The following PROS1 variants were observed in gnomAD, a reference collection of about 807,000 sequenced individuals.
PROS1 encodes protein S, also known as vitamin K-dependent protein S.
In PROS1, 29 loss-of-function variants were observed where a neutral mutation model predicts 75.9. The ratio of observed to expected loss-of-function variants is 0.38; its 90% CI spans 0.28 to 0.52. The LOEUF (loss-of-function observed/expected upper bound fraction) is 0.52. PROS1 is among the 20% of genes least tolerant of loss of function. The probability of loss-of-function intolerance (pLI) is 0.83; values close to 1 mark genes in which losing one functional copy is unlikely to be tolerated. For missense variants in PROS1, 680 were observed against 810.3 expected (o/e 0.84, Z 1.95); for synonymous variants, 245 against 280.6 (o/e 0.87, Z 1.27).
chr3:93,930,906 A>G (rs971966572), intron 1 of PROS1, among the ~76,000 whole-genome samples: 4 of 152,186 alleles, frequency 2.6e-5, no homozygotes, highest in African/African-American at 7.2e-5. Context: ...AAAATCAGGA[A>G]GTTTTATTGT....
At chr3:93,934,884 T>A (rs1484836424) in intron 1 of PROS1, among the ~76,000 whole-genome samples, 1 of 151,208 alleles carries the variant, frequency 6.6e-6, no homozygotes, top group Admixed American at 6.6e-5. Context: ...GAAACGGACC[T>A]CTCCTTACAC....
intron 3 of PROS1, among the ~76,000 whole-genome samples, chr3:93,923,851 G>A (rs1708978647): frequency 6.6e-6 from 1 of 151,658 alleles, no homozygotes; most frequent in Admixed American, 6.6e-5. Flanking sequence ...GCAGTGAGCT[G>A]AGAGCAGGCC....
chr3:93,960,532 CTT>C (rs774875701), intron 1 of PROS1, among the ~76,000 whole-genome samples: 197 of 50,090 alleles, frequency 3.9e-3, no homozygotes, highest in African/African-American at 0.016. Flanking sequence ...CTCCATTGCT[CTT>C]TTTTTTTTTT....
intron 3 of PROS1, among the ~76,000 whole-genome samples, chr3:93,911,739 T>C (rs1158284164): frequency 3.3e-5 from 5 of 152,198 alleles, no homozygotes; most frequent in African/African-American, 7.2e-5. Flanking sequence ...ACTTCTTTCA[T>C]GACAGCTAGC....
At chr3:93,890,206 A>G (rs1708412627) in intron 10 of PROS1, among the ~76,000 whole-genome samples, 1 of 152,102 alleles carries the variant, frequency 6.6e-6, no homozygotes, top group Non-Finnish European at 1.5e-5. Flanking sequence ...ACCCTGGTAA[A>G]TTTGAGGTCA....
chr3:93,909,318 C>A (rs966313478), intron 4 of PROS1, among the ~76,000 whole-genome samples: 4 of 151,608 alleles, frequency 2.6e-5, no homozygotes, highest in Admixed American at 2.6e-4. Flanking sequence ...GCCTATAGTT[C>A]CAGCTACTCA....
chr3:93,924,316 G>C (rs751783059), intron 2 of PROS1, 52 bp from the exon 3 acceptor site: 4 of 1,079,474 alleles, frequency 3.7e-6, no homozygotes, highest in Non-Finnish European at 5.1e-6. Flanking sequence ...TTTCATTATA[G>C]AGTTAAAACT....
chr3:93,941,470 C>T (rs1025805615), intron 1 of PROS1, among the ~76,000 whole-genome samples: 4 of 152,162 alleles, frequency 2.6e-5, no homozygotes, highest in South Asian at 2.1e-4. Context: ...GATACTTTCA[C>T]CTTTGGATAC....
chr3:93,912,147 CAAGG>C (rs1339827733), intron 3 of PROS1, among the ~76,000 whole-genome samples: 2 of 152,168 alleles, frequency 1.3e-5, no homozygotes, highest in African/African-American at 4.8e-5. Flanking sequence ...CTGGAGACTT[CAAGG>C]AAGAATCCCT....
chr3:93,951,783 T>A (rs1425467581), intron 1 of PROS1, among the ~76,000 whole-genome samples: 1 of 152,150 alleles, frequency 6.6e-6, no homozygotes, highest in Non-Finnish European at 1.5e-5. Flanking sequence ...AGACATAGAC[T>A]GGCAAATTGG....
At chr3:93,969,122 C>CTTTTTTTTTTT (rs773990991) in intron 1 of PROS1, among the ~76,000 whole-genome samples, 86 of 114,278 alleles carry the variant, frequency 7.5e-4, no homozygotes, top group Non-Finnish European at 9.3e-4. Flanking sequence ...CTTTTGTTTT[C>CTTTTTTTTTTT]TTTTTTTTTT....
intron 10 of PROS1, among the ~76,000 whole-genome samples, chr3:93,892,190 T>G (rs1218039750): frequency 2.6e-5 from 4 of 151,828 alleles, no homozygotes; most frequent in Admixed American, 2.0e-4. Context: ...ATTAGCCAGG[T>G]ATGCTGTTGC....
At chr3:93,972,364 T>G (rs572610403) in intron 1 of PROS1, among the ~76,000 whole-genome samples, 9 of 152,358 alleles carry the variant, frequency 5.9e-5, no homozygotes, top group African/African-American at 2.2e-4. Flanking sequence ...ATTTTTAAAG[T>G]ACTGCATTCA....
At chr3:93,903,114 C>A (rs893040106) in intron 6 of PROS1, among the ~76,000 whole-genome samples, 8 of 152,162 alleles carry the variant, frequency 5.3e-5, no homozygotes, top group African/African-American at 1.9e-4. Context: ...TTGATCCACC[C>A]ACCTCGGCCT....
At chr3:93,909,567 T>C (rs1330712953) in intron 4 of PROS1, among the ~76,000 whole-genome samples, 2 of 151,984 alleles carry the variant, frequency 1.3e-5, no homozygotes, top group Non-Finnish European at 2.9e-5. Flanking sequence ...GTAATTTCTG[T>C]CCCCTCTTTA....
rs1559933189 is a variant in PROS1 at position 93,898,457 on chromosome 3, C to A, written c.840G>T (p.Lys280Asn). 1 of 1,612,410 alleles carries A rather than the reference C, an allele frequency of 6.2e-7. No individual in the cohort carries two copies. Among genetic ancestry groups the A allele is most frequent in the Non-Finnish European group, 8.5e-7 (1 of 1,178,862 alleles). Residue 280 changes from lysine (K) to asparagine (N), a missense_variant, in exon 8 of 15, where the codon AAG (lysine) becomes AAT (asparagine). Lys to Asn is a moderately conservative substitution (Grantham distance 94, BLOSUM62 0). Coordinates refer to ENST00000394236, the MANE Select transcript of PROS1 (RefSeq NM_000313.4). ...ATTGTAAAATGTTTACCTCACAACTCTTCTGATCTTGGGCAAGTTTGAATC... is the reference window on the plus strand; with the variant it reads ...ATTGTAAAATGTTTACCTCACAACTATTCTGATCTTGGGCAAGTTTGAATC... ...KKGFKLAQDQ[K>N]SCEVVSVCLP...
At chr3:93,898,181 T>C (rs1708531319) in intron 8 of PROS1, among the ~76,000 whole-genome samples, 1 of 152,050 alleles carries the variant, frequency 6.6e-6, no homozygotes, top group Admixed American at 6.6e-5. Flanking sequence ...ACATACAAGT[T>C]GTATTTTATA....
intron 3 of PROS1, among the ~76,000 whole-genome samples, chr3:93,917,092 C>A (rs1708866447): frequency 6.6e-6 from 1 of 152,172 alleles, no homozygotes; most frequent in Non-Finnish European, 1.5e-5. Flanking sequence ...ACTGGAGGAG[C>A]ACAAGGCTGA....
chr3:93,963,671 A>G (rs1278982723), intron 1 of PROS1, among the ~76,000 whole-genome samples: 1 of 151,190 alleles, frequency 6.6e-6, no homozygotes. Context: ...GGAGCAGTGG[A>G]TCACATGGCC....
Sources: gnomAD v4.1 joint callset for allele counts (sites outside exome capture counted in the v4.1 genomes callset) on GRCh38, gnomAD v4.1.1 for gene constraint, MANE v1.5 for transcripts, NCBI Gene and HGNC (gene_info 2026-07-23, HGNC 2026-07-21) for gene names.